Variants in SNTG1 observed in about 807,000 individuals in gnomAD.
SNTG1 encodes syntrophin gamma 1, also known as gamma-1-syntrophin.
Under a neutral mutation model 74.7 loss-of-function variants are expected in SNTG1, and 39 were observed. The observed-to-expected ratio is 0.52, with a 90% confidence interval of 0.40 to 0.68. SNTG1 has a LOEUF of 0.68. SNTG1 is among the 30% of genes least tolerant of loss of function. The probability of loss-of-function intolerance (pLI) is 0.00; values close to 1 mark genes in which losing one functional copy is unlikely to be tolerated. For missense variants in SNTG1, 685 were observed against 609.5 expected (o/e 1.12, Z -1.30); for synonymous variants, 254 against 217.1 (o/e 1.17, Z -1.49).
chr8:50,614,320 A>G (rs2094871854), intron 13 of SNTG1, among the ~76,000 whole-genome samples: 1 of 152,152 alleles, frequency 6.6e-6, no homozygotes. Flanking sequence ...AAAGCATTCA[A>G]TATTAAGCTT....
At chr8:50,742,344 T>C (rs2095545334) in intron 17 of SNTG1, among the ~76,000 whole-genome samples, 1 of 151,752 alleles carries the variant, frequency 6.6e-6, no homozygotes. Flanking sequence ...CACAATGGAA[T>C]GAAACTAAAA....
intron 2 of SNTG1, among the ~76,000 whole-genome samples, chr8:50,363,835 G>A (rs2092032920): frequency 6.6e-6 from 1 of 152,062 alleles, no homozygotes. Flanking sequence ...TTGAATACTG[G>A]TCTACCCAAG....
intron 12 of SNTG1, among the ~76,000 whole-genome samples, chr8:50,559,343 G>A (rs761168565): frequency 3.3e-5 from 5 of 152,128 alleles, no homozygotes; most frequent in African/African-American, 4.8e-5. Context: ...TGGATTGTTT[G>A]TTTCCTAGAG....
chr8:50,748,812 A>G (rs972881548), intron 17 of SNTG1, among the ~76,000 whole-genome samples: 2 of 152,002 alleles, frequency 1.3e-5, no homozygotes, highest in African/African-American at 4.8e-5. Context: ...ATGGTGAATA[A>G]TTTTAACCAA....
In SNTG1 at chr8:50,570,231, A is replaced by ATTTTATTTTATTTTATTTTAT. The variant is rs1563590204; in HGVS notation, c.810+17056_810+17076dup. On this transcript the variant is annotated intron_variant, in intron 12 of 18. Transcript: ENST00000642720. Reference sequence around the variant, plus strand: ...TGGTTCATATGGTGGTTCTATTTTTATTTTATTTTATTTTATTTTATTTTA... The same window carrying ATTTTATTTTATTTTATTTTAT: ...TGGTTCATATGGTGGTTCTATTTTTATTTTATTTTATTTTATTTTATTTTTATTTTATTTTATTTTATTTTA... Among the ~76,000 whole-genome samples the ATTTTATTTTATTTTATTTTAT allele has an allele frequency of 3.9e-4, 20 of 51,286 alleles. 4 individuals carry two copies. Among genetic ancestry groups the ATTTTATTTTATTTTATTTTAT allele is most frequent in the Admixed American group, 7.3e-4 (3 of 4,114 alleles). The allele number at this position is 51,286 out of a possible 152,430, so 33.6% of individuals were successfully genotyped here.
At chr8:50,627,639 C>T (rs142624844) in intron 13 of SNTG1, among the ~76,000 whole-genome samples, 3 of 152,318 alleles carry the variant, frequency 2.0e-5, no homozygotes, top group South Asian at 2.1e-4. Context: ...GTTCCCATGA[C>T]CCCACCTTCA....
Position 50,115,246 on chromosome 8 carries a change from A to G in SNTG1, c.-102-57315A>G, listed in dbSNP as rs143070424. 3.5e-3 allele frequency among the ~76,000 whole-genome samples: 534 copies of G among 152,058 alleles called. 4 individuals carry two copies. Among genetic ancestry groups the G allele is most frequent in the African/African-American group, 0.012 (515 of 41,506 alleles). On this transcript the variant is annotated intron_variant, in intron 1 of 18. Coordinates refer to ENST00000642720, the MANE Select transcript of SNTG1 (RefSeq NM_018967.5). ...GAATGGTGATTAAATTCTACTAAGG[A>G]TGTGGTTTTACAGTGTGAGTGAGAG...
intron 2 of SNTG1, among the ~76,000 whole-genome samples, chr8:50,276,373 TTA>T (rs6150576): frequency 0.067 from 9,582 of 142,464 alleles, 410 homozygotes; most frequent in African/African-American, 0.14. Context: ...CAAGTAAATT[TTA>T]TATATATATA....
At chr8:50,330,493 CCTT>C (rs2090920914) in intron 2 of SNTG1, among the ~76,000 whole-genome samples, 1 of 152,196 alleles carries the variant, frequency 6.6e-6, no homozygotes, top group African/African-American at 2.4e-5. Flanking sequence ...CATCTTCCTA[CCTT>C]CTTCTCACCC....
chr8:50,114,742 G>A (rs1020836666), intron 1 of SNTG1, among the ~76,000 whole-genome samples: 1 of 152,126 alleles, frequency 6.6e-6, no homozygotes, highest in African/African-American at 2.4e-5. Flanking sequence ...GTGCACGCCT[G>A]TAGTCCCAGC....
intron 18 of SNTG1, among the ~76,000 whole-genome samples, chr8:50,758,461 C>G (rs968555340): frequency 6.6e-6 from 1 of 151,948 alleles, no homozygotes; most frequent in African/African-American, 2.4e-5. Context: ...CTAATGCTAT[C>G]CCTTCCCTGC....
intron 2 of SNTG1, among the ~76,000 whole-genome samples, chr8:50,355,346 T>A (rs2091788923): frequency 6.6e-6 from 1 of 152,074 alleles, no homozygotes; most frequent in Admixed American, 6.6e-5. Flanking sequence ...TAATTTATGA[T>A]ATACTATGAC....
At chr8:50,467,246 A>C (rs2093615735) in intron 8 of SNTG1, among the ~76,000 whole-genome samples, 1 of 151,902 alleles carries the variant, frequency 6.6e-6, no homozygotes, top group South Asian at 2.1e-4. Context: ...GATTAGTATT[A>C]TTTCTTCATT....
intron 1 of SNTG1, among the ~76,000 whole-genome samples, chr8:50,079,561 A>C (rs919725576): frequency 6.6e-6 from 1 of 152,046 alleles, no homozygotes; most frequent in Non-Finnish European, 1.5e-5. Flanking sequence ...GAAGCTCTTT[A>C]GTTTAATTAG....
chr8:50,075,691 C>T (rs900806141), intron 1 of SNTG1, among the ~76,000 whole-genome samples: 1 of 152,176 alleles, frequency 6.6e-6, no homozygotes, highest in Non-Finnish European at 1.5e-5. Context: ...TGGGTCCGTA[C>T]TGCCTTTATG....
chr8:50,655,314 T>C (rs1427124743), intron 13 of SNTG1, among the ~76,000 whole-genome samples: 3 of 152,192 alleles, frequency 2.0e-5, no homozygotes, highest in Non-Finnish European at 4.4e-5. Flanking sequence ...TCTATTAAGC[T>C]TCATTTACCT....
intron 1 of SNTG1, among the ~76,000 whole-genome samples, chr8:50,036,295 C>T (rs578122453): frequency 6.6e-6 from 1 of 152,126 alleles, no homozygotes; most frequent in African/African-American, 2.4e-5. Context: ...CTATGCAGCT[C>T]CTGCATAGTC....
At chr8:50,499,286 T>C (rs974631178) in intron 8 of SNTG1, among the ~76,000 whole-genome samples, 13 of 151,902 alleles carry the variant, frequency 8.6e-5, no homozygotes, top group Non-Finnish European at 1.6e-4. Flanking sequence ...GATACATAAA[T>C]ATTTCATGGT....
intron 12 of SNTG1, among the ~76,000 whole-genome samples, chr8:50,562,165 AC>A (rs2094492398): frequency 6.6e-6 from 1 of 152,204 alleles, no homozygotes; most frequent in East Asian, 1.9e-4. Context: ...ATTTAACTCT[AC>A]CCATCTGTGG....
Sources: allele counts gnomAD v4.1 joint callset (sites outside exome capture counted in the v4.1 genomes callset), GRCh38; gene constraint gnomAD v4.1.1; transcripts MANE v1.5; gene names NCBI Gene and HGNC (gene_info 2026-07-23, HGNC 2026-07-21).